Variants in KLC1 observed in about 807,000 individuals in gnomAD.
KLC1 encodes the protein kinesin light chain 1, also known as kinesin 2 60/70kDa.
In KLC1, 30 loss-of-function variants were observed where a neutral mutation model predicts 84.2. The ratio of observed to expected loss-of-function variants is 0.36; its 90% CI spans 0.27 to 0.48. KLC1 has a LOEUF of 0.48. KLC1 is among the 20% of genes least tolerant of loss of function. The pLI is 0.99. For missense variants in KLC1, 499 were observed against 805.4 expected (o/e 0.62, Z 4.60); for synonymous variants, 289 against 293.3 (o/e 0.99, Z 0.15).
In KLC1 at chr14:103,662,622, G is replaced by T; in HGVS notation, c.572-80G>T. On this transcript the variant is annotated intron_variant, in intron 4 of 16. Coordinates refer to ENST00000334553, the MANE Select transcript of KLC1 (RefSeq NM_001394837.1). ...CAAGTACTAACTTGAACCAAAGTTA[G>T]TAAAGATAATTTTAAAGAAACTGAC... The T allele has an allele frequency of 2.3e-5, 27 of 1,175,248 alleles. 1 individual carries two copies. The South Asian group carries it at 3.1e-4, about 14-fold the overall frequency. 72.8% of individuals were successfully genotyped at this position (1,175,248 alleles called of 1,614,324 possible).
intron 16 of KLC1, among the ~76,000 whole-genome samples, 162 bp from the exon 17 acceptor site, chr14:103,701,038 TC>T (rs2083154161): frequency 6.6e-6 from 1 of 152,012 alleles, no homozygotes; most frequent in East Asian, 1.9e-4. Flanking sequence ...GACGCACCAG[TC>T]CCCCATGACC....
rs111860410 is a variant in KLC1 at position 103,660,487 on chromosome 14, GAA to G, written c.493-1614_493-1613del. ...CAGAGTAAAGCTCTGTCTCAAAAAA[GAA>G]AAAAAAAAAAAAAATTAAGGCCGAT... On this transcript the variant is annotated intron_variant, in intron 3 of 16. Transcript: ENST00000334553. Among the ~76,000 whole-genome samples the G allele has an allele frequency of 1.3e-4, 15 of 117,104 alleles. No individual in the cohort carries two copies. The East Asian group carries it at 1.5e-3, about 12-fold the overall frequency. The allele number at this position is 117,104 out of a possible 152,430, so 76.8% of individuals were successfully genotyped here. A position where few individuals can be genotyped will look rare whatever the true frequency, so the allele number is the denominator to read the frequency against.
At position 103,694,727 on chromosome 14, in the gene KLC1, T is replaced by G. The variant is rs2082323605; in HGVS notation, c.1848+2302T>G. 2 of 985,488 alleles carry G rather than the reference T, an allele frequency of 2.0e-6. No individual in the cohort carries two copies. The highest frequency in any genetic ancestry group is 2.4e-6 in the Non-Finnish European group (2 of 829,934). The allele number at this position is 985,488 out of a possible 1,614,324, so 61.0% of individuals were successfully genotyped here. On this transcript the variant is annotated intron_variant, in intron 15 of 16. Coordinates refer to ENST00000334553, the MANE Select transcript of KLC1 (RefSeq NM_001394837.1). This position sits in a 1 kb window ranked among gnomAD's most constrained non-coding sequence, Gnocchi z 4.5. ...GAAAGCTCAGCTTGCCACTGTCATG[T>G]AACAGGGTGGGTGGTGGCACAGCAG...
At chr14:103,654,451 A>C (rs542493827) in intron 1 of KLC1, 113 bp from the exon 2 acceptor site, 6 of 743,204 alleles carry the variant, frequency 8.1e-6, no homozygotes, top group Non-Finnish European at 1.2e-5. Context: ...ACAAATGTGC[A>C]TATTTATTAT....
chr14:103,681,205 C>G (rs910837046), intron 13 of KLC1, among the ~76,000 whole-genome samples: 1 of 152,140 alleles, frequency 6.6e-6, no homozygotes, highest in Non-Finnish European at 1.5e-5. Flanking sequence ...TCCCAGGGTG[C>G]GTTGGCCACG....
At chr14:103,685,798 T>G in intron 13 of KLC1, 1 of 1,220,630 alleles carries the variant, frequency 8.2e-7, no homozygotes, top group Non-Finnish European at 1.0e-6. Flanking sequence ...GGTGCTGCTG[T>G]CCTTTTTGGG....
In KLC1 at chr14:103,650,088, A is replaced by C. The variant is rs185714485; in HGVS notation, c.-1-4476A>C. 4.6e-5 allele frequency among the ~76,000 whole-genome samples: 7 copies of C among 152,272 alleles called. No homozygotes were observed. In the East Asian group the frequency reaches 1.3e-3, roughly 29 times the overall value. On this transcript the variant is annotated intron_variant, in intron 1 of 16. Transcript: ENST00000334553. ...TGAGTTCTTTTGGTCTCACGGAGTA[A>C]ATAATGGAACTTTAAATAGGACTTT... is the stretch of plus-strand genomic sequence containing the variant.
intron 1 of KLC1, among the ~76,000 whole-genome samples, chr14:103,630,514 A>G (rs2076592123): frequency 6.6e-6 from 1 of 152,164 alleles, no homozygotes; most frequent in Non-Finnish European, 1.5e-5. Flanking sequence ...GATTCTTTGC[A>G]TTAGTTAAAT....
intron 15 of KLC1, chr14:103,699,435 G>A (rs757719690): frequency 1.9e-6 from 3 of 1,612,930 alleles, no homozygotes; most frequent in Non-Finnish European, 2.5e-6. Context: ...AGGGACTGCA[G>A]ATGCCTGGCC....
At chr14:103,632,713 C>T (rs1203461546) in intron 1 of KLC1, among the ~76,000 whole-genome samples, 1 of 152,070 alleles carries the variant, frequency 6.6e-6, no homozygotes, top group Non-Finnish European at 1.5e-5. Flanking sequence ...AAGAGCAAAA[C>T]TCTGCCTCAA....
rs369926531 is a variant in KLC1 at position 103,649,136 on chromosome 14, TA to T, written c.-1-5419del. Among the ~76,000 whole-genome samples the T allele has an allele frequency of 3.0e-3, 450 of 150,326 alleles. 2 individuals carry two copies. Among genetic ancestry groups the T allele is most frequent in the African/African-American group, 0.01 (425 of 40,944 alleles). ...TGGGTGATAGAATGAGAGCCTGTCT[TA>T]AAAAAAAACAAAGAAACAGTACAGT... On this transcript the variant is annotated intron_variant, in intron 1 of 16. Transcript: ENST00000334553.
chr14:103,699,715 C>T, intron 15 of KLC1: 1 of 789,262 alleles, frequency 1.3e-6, no homozygotes, highest in Admixed American at 2.0e-5. Flanking sequence ...TCTGTAGTCC[C>T]CATACTCTGA....
intron 14 of KLC1, among the ~76,000 whole-genome samples, chr14:103,692,126 T>C (rs2082157721): frequency 6.6e-6 from 1 of 152,216 alleles, no homozygotes; most frequent in African/African-American, 2.4e-5. Context: ...TTGCATATGG[T>C]ACTTTAAAAG....
At chr14:103,692,844 G>T (rs1394027776) in intron 15 of KLC1, among the ~76,000 whole-genome samples, 1 of 152,230 alleles carries the variant, frequency 6.6e-6, no homozygotes, top group Non-Finnish European at 1.5e-5. Flanking sequence ...TCAAAACTCT[G>T]TTAACATGAT....
intron 15 of KLC1, chr14:103,697,005 G>C: frequency 2.0e-6 from 2 of 985,472 alleles, no homozygotes; most frequent in Non-Finnish European, 2.4e-6. Flanking sequence ...GGCGGGGCCG[G>C]CCGAGCTTCC....
chr14:103,665,348 A>C (rs2079670150), intron 5 of KLC1, among the ~76,000 whole-genome samples: 2 of 151,774 alleles, frequency 1.3e-5, no homozygotes, highest in South Asian at 4.2e-4. Flanking sequence ...GCGAGGTACC[A>C]CGCCTGGCCA....
chr14:103,680,074 CCT>C (rs1335723691), intron 13 of KLC1, among the ~76,000 whole-genome samples: 1 of 152,202 alleles, frequency 6.6e-6, no homozygotes, highest in African/African-American at 2.4e-5. Context: ...CTGCATTTCC[CCT>C]GAGAGGGCGT....
At chr14:103,699,192 A>G (rs2082873142) in intron 15 of KLC1, 2 of 1,556,884 alleles carry the variant, frequency 1.3e-6, no homozygotes, top group South Asian at 1.2e-5. Context: ...GGAAGAGCAC[A>G]GTCCAGGTCA....
chr14:103,644,645 G>A (rs184570542), intron 1 of KLC1, among the ~76,000 whole-genome samples: 6 of 152,196 alleles, frequency 3.9e-5, no homozygotes, highest in African/African-American at 1.4e-4. Context: ...TATAATCCCA[G>A]TACTTTGGGA....
Sources: gnomAD v4.1 joint callset for allele counts (sites outside exome capture counted in the v4.1 genomes callset) on GRCh38, gnomAD v4.1.1 for gene constraint, Gnocchi (gnomAD v3.1) non-coding constraint, MANE v1.5 for transcripts, NCBI Gene and HGNC (gene_info 2026-07-23, HGNC 2026-07-21) for gene names.